The following MTDH variants were observed in gnomAD, a reference collection of about 807,000 sequenced individuals.
MTDH encodes protein LYRIC.
MTDH carries 34 observed loss-of-function variants against 72.7 expected under a neutral mutation model. That is an observed-to-expected ratio of 0.47 (90% CI 0.36 to 0.62). The LOEUF (loss-of-function observed/expected upper bound fraction) is 0.62, where lower values mean the gene tolerates loss of function less well. MTDH is among the 20% of genes least tolerant of loss of function. The pLI is 0.00. For synonymous variants in MTDH, 266 were observed against 268.9 expected (o/e 0.99, Z 0.10); for missense variants, 677 against 699.4 (o/e 0.97, Z 0.36).
intron 1 of MTDH, among the ~76,000 whole-genome samples, chr8:97,660,454 C>T (rs1296814779): frequency 6.6e-6 from 1 of 151,986 alleles, no homozygotes; most frequent in Non-Finnish European, 1.5e-5. Context: ...TATGTAGTTG[C>T]AACAAAGACA....
intron 4 of MTDH, among the ~76,000 whole-genome samples, chr8:97,688,712 C>G (rs993027711): frequency 6.6e-6 from 1 of 152,132 alleles, no homozygotes; most frequent in African/African-American, 2.4e-5. Flanking sequence ...AAAGTTGAAT[C>G]CAATTACAGA....
intron 6 of MTDH, among the ~76,000 whole-genome samples, chr8:97,697,316 G>T (rs1813902119): frequency 6.8e-6 from 1 of 147,288 alleles, no homozygotes; most frequent in Non-Finnish European, 1.5e-5. Context: ...CCCTGCTGTT[G>T]TAACAGGAAA....
intron 1 of MTDH, among the ~76,000 whole-genome samples, chr8:97,657,127 A>G (rs1423223058): frequency 6.6e-6 from 1 of 152,172 alleles, no homozygotes; most frequent in Non-Finnish European, 1.5e-5. Flanking sequence ...CAGCACATAC[A>G]TACAAAGTGT....
At chr8:97,692,938 G>A (rs1813678134) in intron 6 of MTDH, among the ~76,000 whole-genome samples, 1 of 152,052 alleles carries the variant, frequency 6.6e-6, no homozygotes, top group Non-Finnish European at 1.5e-5. Flanking sequence ...CACCATGTTG[G>A]CCACACTGGT....
At position 97,644,793 on chromosome 8, in the gene MTDH, C is replaced by T. The variant is rs535629753; in HGVS notation, c.287C>T (p.Pro96Leu). Residue 96 changes from proline to leucine, a missense_variant, in exon 1 of 12, where the codon CCG becomes CTG. Coordinates refer to ENST00000336273, the MANE Select transcript of MTDH (RefSeq NM_178812.4). ...AAGCGGGAGGAGGCGGCGGCCGTGC[C>T]GGCCGCGGCCCCCGACGACCTGGCC... ...PRKREEAAAV[P>L]AAAPDDLALL... 103 of 1,549,348 alleles carry T rather than the reference C, an allele frequency of 6.6e-5. No homozygotes were observed. The African/African-American group carries it at 1.2e-3, about 18-fold the overall frequency.
At chr8:97,709,206 A>C (rs894233386) in intron 8 of MTDH, among the ~76,000 whole-genome samples, 1 of 152,064 alleles carries the variant, frequency 6.6e-6, no homozygotes, top group Non-Finnish European at 1.5e-5. Context: ...AAAAAAAAAA[A>C]AAACCACCAG....
rs750810410 is a variant in MTDH at position 97,706,697 on chromosome 8, G to A, written c.1219G>A (p.Glu407Lys). 2 of 1,613,884 alleles carry A rather than the reference G, an allele frequency of 1.2e-6. No homozygotes were observed. The highest frequency in any genetic ancestry group is 2.2e-5 in the East Asian group (1 of 44,868). Reference protein sequence around the residue: ...PAEEWGNWVDEERASLLKSQE... With the variant: ...PAEEWGNWVDKERASLLKSQE... ...AGAAGAGTGGGGCAATTGGGTAGAC[G>A]AAGAAAGAGCTTCACTTCTAAAGTC... The change falls in exon 8 of 12, where the codon GAA becomes AAA. Residue 407 changes from glutamate to lysine, a missense_variant. By Grantham distance (56) the Glu-to-Lys change is moderately conservative. Transcript: ENST00000336273.
intron 2 of MTDH, among the ~76,000 whole-genome samples, chr8:97,677,180 CA>C (rs71271142): frequency 0.012 from 518 of 44,064 alleles, no homozygotes; most frequent in African/African-American, 0.049. Context: ...AAGCCTGTCT[CA>C]AAAAAAAAAA....
chr8:97,718,487 T>C (rs918862189), intron 9 of MTDH, among the ~76,000 whole-genome samples: 2 of 151,060 alleles, frequency 1.3e-5, no homozygotes, highest in Admixed American at 1.3e-4. Flanking sequence ...GTGAAGTGTT[T>C]TTTGTGGGTT....
chr8:97,719,012 T>A, intron 9 of MTDH, 37 bp from the exon 10 acceptor site: 1 of 1,531,440 alleles, frequency 6.5e-7, no homozygotes, highest in Admixed American at 2.0e-5. Flanking sequence ...GAAGAATGAA[T>A]GCTTTATATA....
intron 8 of MTDH, among the ~76,000 whole-genome samples, chr8:97,710,960 A>C (rs1441153652): frequency 2.0e-5 from 3 of 152,148 alleles, no homozygotes; most frequent in Admixed American, 1.3e-4. Context: ...AGATGGCACC[A>C]TTGCACTCCA....
chr8:97,721,770 T>A (rs1815139125), intron 10 of MTDH, among the ~76,000 whole-genome samples: 1 of 152,218 alleles, frequency 6.6e-6, no homozygotes, highest in African/African-American at 2.4e-5. Flanking sequence ...TTAGTTTACC[T>A]CCTTTCTGCT....
In MTDH at chr8:97,665,908, C is replaced by T. The variant is rs533150369; in HGVS notation, c.483+4735C>T. ...TTGAGAGGCAGAGGCGGGCGGATTACGAGAGGTCAGGAGATCGAGGCCATC... is the reference window on the plus strand; with the variant it reads ...TTGAGAGGCAGAGGCGGGCGGATTATGAGAGGTCAGGAGATCGAGGCCATC... On this transcript the variant is annotated intron_variant, in intron 2 of 11. Transcript: ENST00000336273. Among the ~76,000 whole-genome samples, 10 of 152,100 alleles carry T rather than the reference C, an allele frequency of 6.6e-5. No homozygotes were observed. In the East Asian group the frequency reaches 1.7e-3, roughly 26 times the overall value.
intron 7 of MTDH, among the ~76,000 whole-genome samples, chr8:97,703,228 G>C (rs1056374480): frequency 2.6e-5 from 4 of 152,094 alleles, no homozygotes; most frequent in Non-Finnish European, 5.9e-5. Flanking sequence ...GGCGTGGTTC[G>C]CATGCCTGTA....
chr8:97,692,852 C>T (rs939568340), intron 6 of MTDH, among the ~76,000 whole-genome samples: 3 of 151,860 alleles, frequency 2.0e-5, no homozygotes, highest in Admixed American at 2.0e-4. Flanking sequence ...GCCTCAGCCA[C>T]CCGAGTAGTT....
rs1040893995 is a variant in MTDH, at chr8:97,724,587, T to G, written c.1679-13T>G. 1.8e-5 allele frequency: 28 copies of G among 1,575,018 alleles called. No individual in the cohort carries two copies. Among genetic ancestry groups the G allele is most frequent in the Admixed American group, 4.1e-5 (2 of 48,412 alleles). On this transcript the variant is annotated splice_polypyrimidine_tract_variant and intron_variant, in intron 11 of 11. Transcript: ENST00000336273. ...CTAATTTTTTTCTTCGTTTTCCCCC[T>G]TTTCTTTTTTAGCCAAGTCTGAAAC...
chr8:97,658,772 T>G (rs537174515), intron 1 of MTDH, among the ~76,000 whole-genome samples: 20 of 152,292 alleles, frequency 1.3e-4, no homozygotes, highest in African/African-American at 4.3e-4. Flanking sequence ...TGGAAAAGTG[T>G]GGCCACAAGA....
chr8:97,692,692 T>G (rs1813662746), intron 6 of MTDH, among the ~76,000 whole-genome samples: 1 of 152,028 alleles, frequency 6.6e-6, no homozygotes, highest in Non-Finnish European at 1.5e-5. Context: ...TTTTTAACCA[T>G]TGTAGATAAT....
At chr8:97,677,220 G>GC (rs1812889950) in intron 2 of MTDH, among the ~76,000 whole-genome samples, 1 of 103,970 alleles carries the variant, frequency 9.6e-6, no homozygotes, top group Non-Finnish European at 1.8e-5. Flanking sequence ...AAGGCCGGGC[G>GC]CAGTGGCTCA....
Sources: gnomAD v4.1 joint callset for allele counts (sites outside exome capture counted in the v4.1 genomes callset) on GRCh38, gnomAD v4.1.1 for gene constraint, MANE v1.5 for transcripts, NCBI Gene and HGNC (gene_info 2026-07-23, HGNC 2026-07-21) for gene names.